Variants in CEP295NL observed in about 807,000 individuals in gnomAD.
CEP295NL encodes the protein protein DDC8 homolog.
In CEP295NL, 3 loss-of-function variants were observed where a neutral mutation model predicts 4.6. The ratio of observed to expected loss-of-function variants is 0.65; its 90% CI spans 0.30 to 1.69. The LOEUF is 1.69. CEP295NL is among the 40% of genes most tolerant of loss of function. The pLI is 0.10. For synonymous variants in CEP295NL, 295 were observed against 312.2 expected (o/e 0.94, Z 0.58); for missense variants, 719 against 769.0 (o/e 0.93, Z 0.77).
At position 78,890,634 on chromosome 17, in the gene CEP295NL, G is replaced by C; in HGVS notation, c.*4C>G. 1 of 1,547,454 alleles carries C rather than the reference G, an allele frequency of 6.5e-7. No homozygotes were observed. Among genetic ancestry groups the C allele is most frequent in the Non-Finnish European group, 8.7e-7 (1 of 1,144,412 alleles). On this transcript the variant is annotated 3_prime_UTR_variant, in exon 3 of 3. Transcript: ENST00000322630. ...TGTATTTACCCCGGGTGGGCCTCTC[G>C]CATTTAGCATATGTTCTGAAACTCC...
Position 78,891,869 on chromosome 17 carries a change from C to T in CEP295NL, c.635G>A (p.Arg212Gln), listed in dbSNP as rs1193734549. Reference sequence around the variant, plus strand: ...AGGCGGGGCCAGGTGAGAATTCATCCGACCCGTGGCTTTTGTAGTCTGTGG... The same window carrying T: ...AGGCGGGGCCAGGTGAGAATTCATCTGACCCGTGGCTTTTGTAGTCTGTGG... ...EKPQTTKATG[R>Q]MNSHLAPPEK... Residue 212 changes from arginine (R) to glutamine (Q), a missense_variant, in exon 3 of 3, where the codon CGG (arginine) becomes CAG (glutamine). Coordinates refer to ENST00000322630, the MANE Select transcript of CEP295NL (RefSeq NM_001243540.2). The surrounding 1 kb of genome is among the most constrained non-coding windows in gnomAD (Gnocchi z 4.5). 21 of 1,550,534 alleles carry T rather than the reference C, an allele frequency of 1.4e-5. No individual in the cohort carries two copies. The highest frequency in any genetic ancestry group is 1.2e-4 in the East Asian group (5 of 40,936).
At chr17:78,892,743 C>G (rs1312751711) in intron 2 of CEP295NL, among the ~76,000 whole-genome samples, 5 of 152,138 alleles carry the variant, frequency 3.3e-5, no homozygotes, top group Non-Finnish European at 2.9e-5. Flanking sequence ...GTCACAAATG[C>G]AGGGAGGAGG....
At position 78,893,475 on chromosome 17, in the gene CEP295NL, C is replaced by G. The variant is rs1302587535; in HGVS notation, c.45-1016G>C. Among the ~76,000 whole-genome samples the G allele has an allele frequency of 4.1e-3, 290 of 70,148 alleles. 3 individuals carry two copies. The highest frequency in any genetic ancestry group is 0.016 in the African/African-American group (267 of 16,952). 46.0% of individuals were successfully genotyped at this position (70,148 alleles called of 152,430 possible). A position where few individuals can be genotyped will look rare whatever the true frequency, so the allele number is the denominator to read the frequency against. Reference sequence around the variant, plus strand: ...TGTGTGCAGGGGTGTGTGTGCATAGCGGTGTGTGTGCAGGGGTGTGTGCGC... The same window carrying G: ...TGTGTGCAGGGGTGTGTGTGCATAGGGGTGTGTGTGCAGGGGTGTGTGCGC... On this transcript the variant is annotated intron_variant, in intron 2 of 2. Transcript: ENST00000322630.
intron 1 of CEP295NL, among the ~76,000 whole-genome samples, chr17:78,902,373 G>T (rs938555099): frequency 6.6e-5 from 10 of 152,238 alleles, no homozygotes; most frequent in African/African-American, 2.4e-4. Context: ...CTCCCAAAGT[G>T]CTGGGATTCC....
chr17:78,890,585 T>C lies in CEP295NL; in HGVS notation c.*53A>G, dbSNP rs2069871872. ...CAGATCTTAGAGACCCGGGTACCAGTGCTGGCAGCACCATTATCAGTGATG... is the reference window on the plus strand; with the variant it reads ...CAGATCTTAGAGACCCGGGTACCAGCGCTGGCAGCACCATTATCAGTGATG... On this transcript the variant is annotated 3_prime_UTR_variant, in exon 3 of 3. Transcript: ENST00000322630. 2.0e-6 allele frequency: 3 copies of C among 1,507,562 alleles called. No individual in the cohort carries two copies. The highest frequency in any genetic ancestry group is 1.4e-5 in the African/African-American group (1 of 72,224). The allele number at this position is 1,507,562 out of a possible 1,614,324, so 93.4% of individuals were successfully genotyped here. A position where few individuals can be genotyped will look rare whatever the true frequency, so the allele number is the denominator to read the frequency against.
intron 2 of CEP295NL, chr17:78,900,021 C>G (rs796757968): frequency 1.3e-5 from 2 of 152,120 alleles, no homozygotes; most frequent in African/African-American, 4.8e-5. Context: ...AAGGCGCCTA[C>G]GTAGAATATG....
intron 1 of CEP295NL, among the ~76,000 whole-genome samples, chr17:78,902,378 G>A (rs2070108133): frequency 6.6e-6 from 1 of 152,222 alleles, no homozygotes; most frequent in Admixed American, 6.5e-5. Context: ...AAAGTGCTGG[G>A]ATTCCAGGCA....
intron 2 of CEP295NL, chr17:78,898,127 A>G (rs1211071697): frequency 6.6e-6 from 1 of 152,244 alleles, no homozygotes; most frequent in Non-Finnish European, 1.5e-5. Context: ...TTGAATCCAG[A>G]CATCACACTG....
intron 2 of CEP295NL, among the ~76,000 whole-genome samples, chr17:78,900,598 G>A (rs1050231469): frequency 3.3e-5 from 5 of 152,100 alleles, no homozygotes; most frequent in Admixed American, 6.5e-5. Context: ...CGAGGTGGTG[G>A]TGGGCTCTTC....
intron 2 of CEP295NL, among the ~76,000 whole-genome samples, chr17:78,893,113 A>G (rs554572058): frequency 0.011 from 1,516 of 143,674 alleles, 28 homozygotes; most frequent in African/African-American, 0.036. Context: ...GTGTGTGCAC[A>G]TGCACATGTG....
Position 78,891,440 on chromosome 17 carries a change from A to T in CEP295NL, c.1064T>A (p.Leu355Gln), listed in dbSNP as rs766091246. The part of the protein sequence containing the change: ...FEELFNINRK[L>Q]KKHLCLYLAL... ...CAGGTACAAGCACAGGTGTTTTTTC[A>T]GCTTTCTGTTTATATTAAACAACTC... The change falls in exon 3 of 3, where the codon CTG becomes CAG. Residue 355 changes from leucine to glutamine, a missense_variant. By Grantham distance (113) the Leu-to-Gln change is moderately radical. Transcript: ENST00000322630. This position sits in a 1 kb window ranked among gnomAD's most constrained non-coding sequence, Gnocchi z 4.5. The T allele has an allele frequency of 6.4e-7, 1 of 1,550,834 alleles. No individual in the cohort carries two copies. Among genetic ancestry groups the T allele is most frequent in the South Asian group, 1.2e-5 (1 of 84,058 alleles).
chr17:78,891,913 T>C lies in CEP295NL; in HGVS notation c.591A>G (p.Thr197=), dbSNP rs1312168937. The C allele has an allele frequency of 2.6e-6, 4 of 1,550,628 alleles. No individual in the cohort carries two copies. The Admixed American group carries it at 7.8e-5, about 30-fold the overall frequency. The change falls in exon 3 of 3, where the codon ACA becomes ACG. Residue 197 remains threonine, a synonymous_variant. Transcript: ENST00000322630. The surrounding 1 kb of genome is among the most constrained non-coding windows in gnomAD (Gnocchi z 4.5). ...QHPRHSRPRK[T]AASPEKPQTT... The stretch of plus-strand genomic sequence containing the variant: ...TCTGTGGTTTCTCTGGACTCGCTGC[T>C]GTCTTCCGGGGCCTGGAGTGCCTGG...
intron 2 of CEP295NL, chr17:78,900,076 G>A (rs1232753910): frequency 1.3e-5 from 2 of 151,854 alleles, no homozygotes; most frequent in Non-Finnish European, 3.0e-5. Flanking sequence ...TCTTTGGGAT[G>A]ATAATATAGG....
At position 78,896,937 on chromosome 17, in the gene CEP295NL, C is replaced by T; in HGVS notation, c.45-4478G>A. 3 of 985,400 alleles carry T rather than the reference C, an allele frequency of 3.0e-6. No homozygotes were observed. The highest frequency in any genetic ancestry group is 3.6e-6 in the Non-Finnish European group (3 of 829,932). The allele number at this position is 985,400 out of a possible 1,614,324, so 61.0% of individuals were successfully genotyped here. A position where few individuals can be genotyped will look rare whatever the true frequency, so the allele number is the denominator to read the frequency against. On this transcript the variant is annotated intron_variant, in intron 2 of 2. Coordinates refer to ENST00000322630, the MANE Select transcript of CEP295NL (RefSeq NM_001243540.2). This position sits in a 1 kb window ranked among gnomAD's most constrained non-coding sequence, Gnocchi z 4.4. ...TGGCCACCAGATTCCCAGCGATTCT[C>T]ACCAAAGTCAGGCAACCTCTGGCCT...
Position 78,896,394 on chromosome 17 carries a change from C to T in CEP295NL, c.45-3935G>A, listed in dbSNP as rs2070000013. Among the ~76,000 whole-genome samples, 1 of 152,196 alleles carries T rather than the reference C, an allele frequency of 6.6e-6. No individual in the cohort carries two copies. The highest frequency in any genetic ancestry group is 1.5e-5 in the Non-Finnish European group (1 of 68,042). ...CAGCCCAGTGTCTCTCCAGCCCTGC[C>T]AGACAGGACGTCGGGTGCCCTTGGC... is the stretch of plus-strand genomic sequence containing the variant. On this transcript the variant is annotated intron_variant, in intron 2 of 2. Transcript: ENST00000322630. This position sits in a 1 kb window ranked among gnomAD's most constrained non-coding sequence, Gnocchi z 4.4.
Position 78,901,774 on chromosome 17 carries a change from G to T in CEP295NL, c.44+11C>A, listed in dbSNP as rs915356594. On this transcript the variant is annotated intron_variant, in intron 2 of 2. Coordinates refer to ENST00000322630, the MANE Select transcript of CEP295NL (RefSeq NM_001243540.2). ...CACCTGAAATGCTTGGGGAAGAGGG[G>T]TGGTACTTACTGTGTGTGTCTCCAG... 1 of 717,314 alleles carries T rather than the reference G, an allele frequency of 1.4e-6. No homozygotes were observed. The highest frequency in any genetic ancestry group is 2.6e-6 in the Non-Finnish European group (1 of 385,072). 44.4% of individuals were successfully genotyped at this position (717,314 alleles called of 1,614,324 possible). A position where few individuals can be genotyped will look rare whatever the true frequency, so the allele number is the denominator to read the frequency against.
rs1327742864 is a variant in CEP295NL, at chr17:78,891,460, C to A, written c.1044G>T (p.Leu348Phe). 1.3e-6 allele frequency: 2 copies of A among 1,551,070 alleles called. No homozygotes were observed. The highest frequency in any genetic ancestry group is 1.7e-6 in the Non-Finnish European group (2 of 1,147,108). The stretch of plus-strand genomic sequence containing the variant: ...TTTTCAGCTTTCTGTTTATATTAAA[C>A]AACTCTTCAAAGGCCAACTCCAGCT... ...QKELELAFEE[L>F]FNINRKLKKH... Residue 348 changes from leucine to phenylalanine, a missense_variant, in exon 3 of 3, where the codon TTG (leucine) becomes TTT (phenylalanine). By Grantham distance (22) the Leu-to-Phe change is conservative. Transcript: ENST00000322630. This position sits in a 1 kb window ranked among gnomAD's most constrained non-coding sequence, Gnocchi z 4.5.
In CEP295NL at chr17:78,890,947, C is replaced by T. The variant is rs1003856499; in HGVS notation, c.1557G>A (p.Ser519=). ...MEQRRQKQLE[S]LEQMEHPDMS... is the part of the protein sequence containing the mutation. ...TATCTGGGTGTTCCATTTGTTCAAG[C>T]GATTCCAGTTGTTTTTGTCTTCTCT... The change falls in exon 3 of 3, where the codon TCG becomes TCA. Residue 519 remains serine, a synonymous_variant. Transcript: ENST00000322630. 23 of 1,551,002 alleles carry T rather than the reference C, an allele frequency of 1.5e-5. No individual in the cohort carries two copies. Among genetic ancestry groups the T allele is most frequent in the Admixed American group, 3.9e-5 (2 of 51,006 alleles).
chr17:78,893,519 G>T (rs1399434006), intron 2 of CEP295NL, among the ~76,000 whole-genome samples: 1 of 147,176 alleles, frequency 6.8e-6, no homozygotes, highest in East Asian at 1.9e-4. Context: ...GTGTGCGTGT[G>T]CACATCTGTT....
Sources: allele counts gnomAD v4.1 joint callset (sites outside exome capture counted in the v4.1 genomes callset), GRCh38; gene constraint gnomAD v4.1.1; non-coding constraint Gnocchi (gnomAD v3.1); transcripts MANE v1.5; gene names NCBI Gene and HGNC (gene_info 2026-07-23, HGNC 2026-07-21).